The following NAV3 variants were observed in gnomAD, a reference collection of about 807,000 sequenced individuals.
NAV3 encodes the protein pore membrane and/or filament interacting like protein 1.
In NAV3, 87 loss-of-function variants were observed where a neutral mutation model predicts 244.7. That is an observed-to-expected ratio of 0.36 (90% CI 0.30 to 0.42). NAV3 has a LOEUF of 0.42. Among genes scored for constraint, NAV3 ranks in the 20% least tolerant of loss-of-function variants. The probability of loss-of-function intolerance (pLI) is 1.00; values close to 1 mark genes in which losing one functional copy is unlikely to be tolerated. For missense variants in NAV3, 2,663 were observed against 2,893.3 expected (o/e 0.92, Z 1.83); for synonymous variants, 1,126 against 1,042.2 (o/e 1.08, Z -1.55).
intron 2 of NAV3, among the ~76,000 whole-genome samples, chr12:77,705,182 G>A (rs1875739302): frequency 6.6e-6 from 1 of 152,188 alleles, no homozygotes; most frequent in Non-Finnish European, 1.5e-5. Flanking sequence ...ACTTTGGGAG[G>A]CCAAGGTAGG....
At chr12:77,744,695 T>C (rs533215119) in intron 2 of NAV3, among the ~76,000 whole-genome samples, 3 of 152,012 alleles carry the variant, frequency 2.0e-5, no homozygotes, top group African/African-American at 7.2e-5. Flanking sequence ...TTAAGGAGAT[T>C]ATAGAGTATC....
Position 77,834,865 on chromosome 12 carries a change from G to A in NAV3, c.243+3161G>A, listed in dbSNP as rs375994056. Among the ~76,000 whole-genome samples the A allele has an allele frequency of 6.9e-5, 7 of 100,918 alleles. No individual in the cohort carries two copies. In the East Asian group the frequency reaches 1.2e-3, roughly 18 times the overall value. 66.2% of individuals were successfully genotyped at this position (100,918 alleles called of 152,430 possible). ...AATGTTAAAAAGAAGTATATGTAGA[G>A]TTATTTTAGCTTTTGGGAAAAAAAA... On this transcript the variant is annotated intron_variant, in intron 1 of 39. Coordinates refer to ENST00000397909, the MANE Select transcript of NAV3 (RefSeq NM_001024383.2).
At chr12:78,204,580 C>T (rs1396805963) in intron 38 of NAV3, among the ~76,000 whole-genome samples, 1 of 152,032 alleles carries the variant, frequency 6.6e-6, no homozygotes, top group Non-Finnish European at 1.5e-5. Flanking sequence ...TTAAAATCTT[C>T]CATAATTGAA....
chr12:77,788,839 A>G (rs550416812), intron 2 of NAV3, among the ~76,000 whole-genome samples: 14 of 152,254 alleles, frequency 9.2e-5, no homozygotes, highest in African/African-American at 3.4e-4. Flanking sequence ...TAAAAACAGA[A>G]AGGAAGTTTA....
At chr12:78,060,961 C>T (rs1187756980) in intron 12 of NAV3, among the ~76,000 whole-genome samples, 1 of 152,108 alleles carries the variant, frequency 6.6e-6, no homozygotes, top group Non-Finnish European at 1.5e-5. Flanking sequence ...TCCATCAGGG[C>T]CCCAGACTGG....
chr12:77,634,039 C>A (rs1872042394), intron 2 of NAV3, among the ~76,000 whole-genome samples: 1 of 152,010 alleles, frequency 6.6e-6, no homozygotes, highest in African/African-American at 2.4e-5. Context: ...AAATTTATTG[C>A]TAAAGTAAAT....
At chr12:78,146,347 C>T (rs773926699) in intron 20 of NAV3, 22 bp from the exon 21 acceptor site, 3 of 1,045,932 alleles carry the variant, frequency 2.9e-6, no homozygotes, top group Non-Finnish European at 4.0e-6. Flanking sequence ...TAGTTAAAGT[C>T]TTTCTTTTTA....
chr12:77,703,385 C>A (rs531738996), intron 2 of NAV3, among the ~76,000 whole-genome samples: 10 of 152,130 alleles, frequency 6.6e-5, no homozygotes, highest in African/African-American at 2.4e-4. Context: ...AGTGGTATTC[C>A]ATTGTATAGA....
rs557340652 is a variant in NAV3, at chr12:78,139,614, T to C, written c.4631-668T>C. ...TTATCCACCTTTTGGGTTTAGTACA[T>C]TGGAAGTATAGGAGTATAAAGCAGA... On this transcript the variant is annotated intron_variant, in intron 19 of 39. Coordinates refer to ENST00000397909, the MANE Select transcript of NAV3 (RefSeq NM_001024383.2). Among the ~76,000 whole-genome samples the C allele has an allele frequency of 2.0e-5, 3 of 152,112 alleles. No homozygotes were observed. The South Asian group carries it at 6.2e-4, about 31-fold the overall frequency.
At chr12:77,883,137 A>G (rs1295598553) in intron 1 of NAV3, among the ~76,000 whole-genome samples, 2 of 152,168 alleles carry the variant, frequency 1.3e-5, no homozygotes, top group Non-Finnish European at 2.9e-5. Flanking sequence ...ACATGCACTC[A>G]TAAGTTCATC....
At chr12:78,186,119 A>G (rs537055641) in intron 31 of NAV3, among the ~76,000 whole-genome samples, 2 of 151,844 alleles carry the variant, frequency 1.3e-5, no homozygotes, top group Non-Finnish European at 2.9e-5. Context: ...AGAAAGACAC[A>G]TGTTCTACTG....
chr12:77,933,740 A>G (rs1036201107), intron 1 of NAV3, among the ~76,000 whole-genome samples: 2 of 152,204 alleles, frequency 1.3e-5, no homozygotes, highest in African/African-American at 4.8e-5. Context: ...TAGAAGGCCT[A>G]CAAGAGTCAT....
intron 2 of NAV3, among the ~76,000 whole-genome samples, chr12:77,665,745 T>A (rs550790348): frequency 2.6e-5 from 4 of 152,184 alleles, no homozygotes; most frequent in Non-Finnish European, 5.9e-5. Flanking sequence ...TTGAAGCAAC[T>A]GAGGCTCAGT....
At position 77,625,010 on chromosome 12, in the gene NAV3, CAT is replaced by C. The variant is rs142882412; in HGVS notation, c.72+52745_72+52746del. Among the ~76,000 whole-genome samples the C allele has an allele frequency of 3.0e-4, 46 of 152,302 alleles. No individual in the cohort carries two copies. The East Asian group carries it at 8.1e-3, about 27-fold the overall frequency. On this transcript the variant is annotated intron_variant, in intron 2 of 8. Transcript: ENST00000550042. ...ATCTGTGCAGCAAACAACTATGGCACATGTTTACCTGTGTAACAAAGCACACA... is the reference window on the plus strand; with the variant it reads ...ATCTGTGCAGCAAACAACTATGGCACGTTTACCTGTGTAACAAAGCACACA...
intron 1 of NAV3, among the ~76,000 whole-genome samples, chr12:77,923,406 A>G (rs1441149539): frequency 6.6e-6 from 1 of 152,110 alleles, no homozygotes; most frequent in Non-Finnish European, 1.5e-5. Context: ...AGATTTAGAA[A>G]GTGATCATCT....
intron 2 of NAV3, among the ~76,000 whole-genome samples, chr12:77,811,729 G>A (rs778375988): frequency 2.0e-5 from 3 of 152,144 alleles, no homozygotes; most frequent in Non-Finnish European, 4.4e-5. Context: ...TAAGACAATG[G>A]CATTAAATTG....
intron 2 of NAV3, among the ~76,000 whole-genome samples, chr12:77,730,339 A>C (rs1421467113): frequency 6.6e-6 from 1 of 151,950 alleles, no homozygotes; most frequent in Non-Finnish European, 1.5e-5. Flanking sequence ...GAAATTTAAA[A>C]AGACATTTAG....
In NAV3 at chr12:78,148,835, C is replaced by T. The variant is rs1262162370; in HGVS notation, c.4708-7C>T. 5 of 1,609,448 alleles carry T rather than the reference C, an allele frequency of 3.1e-6. No individual in the cohort carries two copies. In the East Asian group the frequency reaches 9.0e-5, roughly 29 times the overall value. On this transcript the variant is annotated splice_polypyrimidine_tract_variant and splice_region_variant and intron_variant, in intron 21 of 39. Coordinates refer to ENST00000397909, the MANE Select transcript of NAV3 (RefSeq NM_001024383.2). ...CCTATTCCATTGATTTTTTTAATTG[C>T]ATTCAGCAAATCCATAAACTGCGGA...
In NAV3 at chr12:77,685,000, A is replaced by G. The variant is rs78416163; in HGVS notation, c.72+112734A>G. Among the ~76,000 whole-genome samples the G allele has an allele frequency of 1.4e-3, 216 of 152,274 alleles. 7 individuals carry two copies. The East Asian group carries it at 0.039, about 28-fold the overall frequency. ...ACCTGTTCCATTGGTCTATTCATGT[A>G]TCCTAATACCAATGTCACACTGTCG... On this transcript the variant is annotated intron_variant, in intron 2 of 8. Transcript: ENST00000550042.
Sources: gnomAD v4.1 joint callset for allele counts (sites outside exome capture counted in the v4.1 genomes callset) on GRCh38, gnomAD v4.1.1 for gene constraint, MANE v1.5 for transcripts, NCBI Gene and HGNC (gene_info 2026-07-23, HGNC 2026-07-21) for gene names.